The following CDH4 variants were observed in gnomAD, a reference collection of about 807,000 sequenced individuals.
CDH4 encodes the protein cadherin 4.
In CDH4, 33 loss-of-function variants were observed where a neutral mutation model predicts 86.0. That is an observed-to-expected ratio of 0.38 (90% confidence interval 0.29 to 0.51). CDH4 has a LOEUF of 0.51. Among genes scored for constraint, CDH4 ranks in the 20% least tolerant of loss-of-function variants. CDH4 has a pLI of 0.86. For synonymous variants in CDH4, 555 were observed against 549.4 expected (o/e 1.01, Z -0.14); for missense variants, 1,114 against 1,307.4 (o/e 0.85, Z 2.28).
chr20:61,682,990 C>T (rs2087534056), intron 2 of CDH4, among the ~76,000 whole-genome samples: 3 of 152,048 alleles, frequency 2.0e-5, no homozygotes, highest in Admixed American at 2.0e-4. Flanking sequence ...TCTCTTTCAG[C>T]TAGTTCTCAA....
chr20:61,282,317 C>T (rs963304392), intron 2 of CDH4, among the ~76,000 whole-genome samples: 1 of 152,166 alleles, frequency 6.6e-6, no homozygotes, highest in African/African-American at 2.4e-5. Context: ...CAAGATTGCG[C>T]CACTGCACTC....
chr20:61,459,803 C>T (rs181667898), intron 2 of CDH4, among the ~76,000 whole-genome samples: 5 of 152,092 alleles, frequency 3.3e-5, no homozygotes, highest in East Asian at 3.9e-4. Context: ...CTCACATGAG[C>T]GCTTCGCAGC....
chr20:61,506,553 G>A (rs1272400977), intron 2 of CDH4, among the ~76,000 whole-genome samples: 1 of 152,180 alleles, frequency 6.6e-6, no homozygotes, highest in Non-Finnish European at 1.5e-5. Flanking sequence ...TGCCTGTTGG[G>A]CAGAATTGTA....
intron 9 of CDH4, among the ~76,000 whole-genome samples, chr20:61,915,616 A>C (rs2054896533): frequency 6.6e-6 from 1 of 152,252 alleles, no homozygotes; most frequent in Non-Finnish European, 1.5e-5. Flanking sequence ...TCTCCAGTGC[A>C]TCACACTAAG....
intron 2 of CDH4, among the ~76,000 whole-genome samples, chr20:61,422,636 A>G (rs1186877451): frequency 2.0e-5 from 3 of 152,122 alleles, no homozygotes; most frequent in Middle Eastern, 3.2e-3. Context: ...GCAACCATGC[A>G]GGAGAACTTA....
chr20:61,311,128 G>A (rs372964943), intron 2 of CDH4, among the ~76,000 whole-genome samples: 15 of 152,246 alleles, frequency 9.9e-5, no homozygotes, highest in South Asian at 4.2e-4. Flanking sequence ...CAGATGTTCT[G>A]GGTGAGATGG....
chr20:61,296,302 G>C (rs182846563), intron 2 of CDH4, among the ~76,000 whole-genome samples: 1 of 134,806 alleles, frequency 7.4e-6, no homozygotes, highest in Non-Finnish European at 1.6e-5. Flanking sequence ...TGTGTGCGTG[G>C]GTGCGTGTGT....
At chr20:61,704,660 C>T (rs1300421761) in intron 2 of CDH4, among the ~76,000 whole-genome samples, 1 of 152,184 alleles carries the variant, frequency 6.6e-6, no homozygotes, top group Non-Finnish European at 1.5e-5. Context: ...TCAAGATAAG[C>T]CAAACATCTG....
chr20:61,306,377 A>T (rs2084417514), intron 2 of CDH4, among the ~76,000 whole-genome samples: 1 of 151,378 alleles, frequency 6.6e-6, no homozygotes, highest in African/African-American at 2.4e-5. Flanking sequence ...TCGCTCTGTC[A>T]CCCAGGCTGG....
At chr20:61,934,330 G>A (rs4925316) in intron 15 of CDH4, 110 bp downstream of exon 15, 280,009 of 1,215,788 alleles carry the variant, frequency 0.23, 32,931 homozygotes, top group Middle Eastern at 0.29. Context: ...TGCCGTGGGT[G>A]GGAGGCAGCT....
At chr20:61,524,584 A>G (rs1306394667) in intron 2 of CDH4, among the ~76,000 whole-genome samples, 1 of 151,740 alleles carries the variant, frequency 6.6e-6, no homozygotes, top group Non-Finnish European at 1.5e-5. Context: ...TCCTGGTCTC[A>G]GGTGATCCTC....
At chr20:61,716,577 C>T (rs570395582) in intron 2 of CDH4, among the ~76,000 whole-genome samples, 7 of 152,278 alleles carry the variant, frequency 4.6e-5, no homozygotes, top group South Asian at 2.1e-4. Flanking sequence ...GCTTGTGTCC[C>T]GCAAAGAAAG....
At chr20:61,471,699 A>G (rs573215473) in intron 2 of CDH4, among the ~76,000 whole-genome samples, 1 of 151,886 alleles carries the variant, frequency 6.6e-6, no homozygotes, top group Admixed American at 6.6e-5. Context: ...AGGTTTTGCC[A>G]TGTTTTGTTT....
intron 2 of CDH4, among the ~76,000 whole-genome samples, chr20:61,685,508 C>G (rs2087564022): frequency 6.6e-6 from 1 of 152,260 alleles, no homozygotes; most frequent in Non-Finnish European, 1.5e-5. Flanking sequence ...TCAGTCCCGT[C>G]TCTCCCCTCT....
chr20:61,410,760 A>G (rs530283506), intron 2 of CDH4, among the ~76,000 whole-genome samples: 2 of 151,968 alleles, frequency 1.3e-5, no homozygotes, highest in South Asian at 2.1e-4. Context: ...CCATCTATCC[A>G]TCCATTCATC....
At chr20:61,780,241 G>C (rs1205026549) in intron 4 of CDH4, among the ~76,000 whole-genome samples, 1 of 152,160 alleles carries the variant, frequency 6.6e-6, no homozygotes, top group East Asian at 1.9e-4. Flanking sequence ...GTCACCTGCA[G>C]TCCTGTGCAC....
intron 2 of CDH4, among the ~76,000 whole-genome samples, chr20:61,721,684 G>A (rs1383083478): frequency 6.6e-6 from 1 of 152,138 alleles, no homozygotes; most frequent in Non-Finnish European, 1.5e-5. Flanking sequence ...TGTTGTTGAG[G>A]GCTGGTGATA....
rs1263359956 is a variant in CDH4, at chr20:61,653,782, C to T, written c.170-89781C>T. On this transcript the variant is annotated intron_variant, in intron 2 of 15. Coordinates refer to ENST00000614565, the MANE Select transcript of CDH4 (RefSeq NM_001794.5). ...GCAGAGGCGCTCCCCACATCCCAGA[C>T]GATGGGCGGCCGGGCAGAGACGCTC... 1.0e-4 allele frequency among the ~76,000 whole-genome samples: 9 copies of T among 89,900 alleles called. 2 individuals are homozygous for T. Among genetic ancestry groups the T allele is most frequent in the East Asian group, 2.9e-4 (1 of 3,436 alleles). 59.0% of individuals were successfully genotyped at this position (89,900 alleles called of 152,430 possible).
chr20:61,621,953 A>C (rs186084084), intron 2 of CDH4, among the ~76,000 whole-genome samples: 1 of 152,328 alleles, frequency 6.6e-6, no homozygotes, highest in Admixed American at 6.5e-5. Context: ...CTCCTGTCAA[A>C]GCTCTGTGTT....
Sources: allele counts gnomAD v4.1 joint callset (sites outside exome capture counted in the v4.1 genomes callset), GRCh38; gene constraint gnomAD v4.1.1; transcripts MANE v1.5; gene names NCBI Gene and HGNC (gene_info 2026-07-23, HGNC 2026-07-21).